The following NUP85 variants were observed in gnomAD, a reference collection of about 807,000 sequenced individuals.
NUP85 encodes nucleoporin 85.
Under a neutral mutation model 92.8 loss-of-function variants are expected in NUP85, and 23 were observed. That is an observed-to-expected ratio of 0.25 (90% CI 0.18 to 0.35). The LOEUF (loss-of-function observed/expected upper bound fraction) is 0.35, where lower values mean the gene tolerates loss of function less well. NUP85 is among the 10% of genes least tolerant of loss of function. The pLI is 1.00. For missense variants in NUP85, 759 were observed against 822.8 expected (o/e 0.92, Z 0.95); for synonymous variants, 314 against 306.9 (o/e 1.02, Z -0.24).
At chr17:75,218,588 G>GTTTGT (rs1555662313) in intron 7 of NUP85, among the ~76,000 whole-genome samples, 1 of 82,840 alleles carries the variant, frequency 1.2e-5, no homozygotes, top group East Asian at 4.0e-4. Context: ...ATACAAAACC[G>GTTTGT]TTTTTTTTTT....
rs555989826 is a variant in NUP85, at chr17:75,231,223, C to T, written c.1095-117C>T. 34 of 953,868 alleles carry T rather than the reference C, an allele frequency of 3.6e-5. No homozygotes were observed. The highest frequency in any genetic ancestry group is 2.1e-4 in the South Asian group (15 of 70,086). 59.1% of individuals were successfully genotyped at this position (953,868 alleles called of 1,614,324 possible). A position where few individuals can be genotyped will look rare whatever the true frequency, so the allele number is the denominator to read the frequency against. ...GGATCACGGGCATGAGCTATCATCACGCCCGGCCCCATCTCTTTGAGGGAC... is the reference window on the plus strand; with the variant it reads ...GGATCACGGGCATGAGCTATCATCATGCCCGGCCCCATCTCTTTGAGGGAC... On this transcript the variant is annotated intron_variant, in intron 11 of 18. Transcript: ENST00000245544. This position sits in a 1 kb window ranked among gnomAD's most constrained non-coding sequence, Gnocchi z 4.6.
chr17:75,230,390 C>T (rs1346794667), intron 11 of NUP85, among the ~76,000 whole-genome samples: 7 of 141,458 alleles, frequency 4.9e-5, no homozygotes, highest in Non-Finnish European at 9.0e-5. Flanking sequence ...GATGGAGTCT[C>T]ACTTTGTCGC....
rs746265050 is a variant in NUP85, at chr17:75,234,658, G to A, written c.1637G>A (p.Arg546His). ...TFLGKYREFH[R>H]MYGEKRFADA... is the part of the protein sequence containing the mutation. The stretch of plus-strand genomic sequence containing the variant: ...ATAGGAAAGTATCGCGAGTTCCACC[G>A]TATGTACGGGGAGAAGCGTTTTGCC... Residue 546 changes from arginine to histidine, a missense_variant, in exon 17 of 19, where the codon CGT (arginine) becomes CAT (histidine). Arg to His is a conservative substitution (Grantham distance 29). Transcript: ENST00000245544. The A allele has an allele frequency of 1.4e-5, 23 of 1,614,170 alleles. 1 individual carries two copies. Among genetic ancestry groups the A allele is most frequent in the African/African-American group, 1.1e-4 (8 of 75,052 alleles).
chr17:75,214,158 T>C (rs889314576), intron 5 of NUP85, among the ~76,000 whole-genome samples: 1 of 152,204 alleles, frequency 6.6e-6, no homozygotes, highest in Non-Finnish European at 1.5e-5. Flanking sequence ...TCAACATTTT[T>C]ACTGAGTTGC....
At chr17:75,209,664 G>A (rs899157063) in intron 2 of NUP85, among the ~76,000 whole-genome samples, 159 bp from the exon 3 acceptor site, 7 of 152,210 alleles carry the variant, frequency 4.6e-5, no homozygotes, top group Non-Finnish European at 8.8e-5. Flanking sequence ...GCCTGGTCTC[G>A]AATTCCTGAC....
At chr17:75,226,906 G>T (rs1017072652) in intron 11 of NUP85, 2 of 307,072 alleles carry the variant, frequency 6.5e-6, no homozygotes, top group African/African-American at 2.1e-5. Context: ...TGGGCTTCAG[G>T]CTGGGTATTA....
intron 7 of NUP85, among the ~76,000 whole-genome samples, chr17:75,223,940 G>A (rs932599526): frequency 6.6e-6 from 1 of 152,176 alleles, no homozygotes; most frequent in African/African-American, 2.4e-5. Context: ...ATAGTCTTAC[G>A]TGTAGACTCA....
In NUP85 at chr17:75,235,603, T is replaced by C; in HGVS notation, c.1895T>C (p.Val632Ala). The C allele has an allele frequency of 6.2e-7, 1 of 1,614,028 alleles. No homozygotes were observed. The highest frequency in any genetic ancestry group is 8.5e-7 in the Non-Finnish European group (1 of 1,179,904). The change falls in exon 19 of 19, where the codon GTG (valine) becomes GCG (alanine). Residue 632 changes from valine (V) to alanine (A), a missense_variant. Transcript: ENST00000245544. ...LQDDDIETTK[V>A]EMLRLSLARN... ...GATGATGACATAGAGACCACCAAGG[T>C]GGAAATGCTGAGACTTTCTCTGGCA... is the stretch of plus-strand genomic sequence containing the variant.
At chr17:75,229,704 GTGT>G (rs1177323527) in intron 11 of NUP85, among the ~76,000 whole-genome samples, 3 of 152,194 alleles carry the variant, frequency 2.0e-5, no homozygotes, top group Admixed American at 6.5e-5. Flanking sequence ...CACTTGAGTT[GTGT>G]TGTTAGTTCT....
chr17:75,218,266 G>T lies in NUP85; in HGVS notation c.557G>T (p.Gly186Val). 3.1e-6 allele frequency: 5 copies of T among 1,613,880 alleles called. No homozygotes were observed. Among genetic ancestry groups the T allele is most frequent in the Non-Finnish European group, 4.2e-6 (5 of 1,179,912 alleles). The change falls in exon 7 of 19, where the codon GGC (glycine) becomes GTC (valine). Residue 186 changes from glycine (G) to valine (V), a missense_variant. Physicochemically the swap from Gly to Val is moderately radical, Grantham distance 109. Coordinates refer to ENST00000245544, the MANE Select transcript of NUP85 (RefSeq NM_024844.5). The stretch of plus-strand genomic sequence containing the variant: ...GACAGTTTGTCGGCAGATGTTCTGG[G>T]CAGTGAGAATCCAAGCAAACATGAC... ...EVDSLSADVLGSENPSKHDSF... is the reference protein window; with the variant it reads ...EVDSLSADVLVSENPSKHDSF...
intron 14 of NUP85, among the ~76,000 whole-genome samples, chr17:75,232,609 C>A (rs936541): frequency 0.86 from 130,911 of 152,078 alleles, 59,275 homozygotes; most frequent in Non-Finnish European, 1. Flanking sequence ...ACGTTTTGCT[C>A]CCCTTGAAGC....
intron 16 of NUP85, among the ~76,000 whole-genome samples, chr17:75,233,461 A>G (rs1254457416): frequency 8.2e-6 from 1 of 121,410 alleles, no homozygotes; most frequent in African/African-American, 3.2e-5. Context: ...TTGAGACAGA[A>G]TCTTACTCGC....
chr17:75,216,851 G>A (rs996903154), intron 6 of NUP85, among the ~76,000 whole-genome samples: 5 of 152,034 alleles, frequency 3.3e-5, no homozygotes, highest in South Asian at 2.1e-4. Flanking sequence ...TCATGGATAC[G>A]GAGTGCTGGC....
In NUP85 at chr17:75,235,026, G is replaced by A. The variant is rs2076277031; in HGVS notation, c.1768-74G>A. Reference sequence around the variant, plus strand: ...GAAGGGTATGAAAGGAAGAACGTCCGAACATGGGCCCCTGCCCCAACCAAT... The same window carrying A: ...GAAGGGTATGAAAGGAAGAACGTCCAAACATGGGCCCCTGCCCCAACCAAT... On this transcript the variant is annotated intron_variant, in intron 17 of 18. Transcript: ENST00000245544. 4 of 1,264,702 alleles carry A rather than the reference G, an allele frequency of 3.2e-6. No homozygotes were observed. The Admixed American group carries it at 5.2e-5, about 16-fold the overall frequency. 78.3% of individuals were successfully genotyped at this position (1,264,702 alleles called of 1,614,324 possible). A position where few individuals can be genotyped will look rare whatever the true frequency, so the allele number is the denominator to read the frequency against.
intron 7 of NUP85, among the ~76,000 whole-genome samples, chr17:75,222,601 G>C (rs2075629579): frequency 6.9e-6 from 1 of 145,008 alleles, no homozygotes; most frequent in African/African-American, 2.6e-5. Flanking sequence ...TTGAACCATT[G>C]CTCCTAGGGG....
At chr17:75,217,651 C>T (rs2145308116) in intron 6 of NUP85, among the ~76,000 whole-genome samples, 1 of 152,222 alleles carries the variant, frequency 6.6e-6, no homozygotes, top group East Asian at 1.9e-4. Context: ...GAATTACAGG[C>T]ATGCGCCACC....
chr17:75,226,052 C>T lies in NUP85; in HGVS notation c.989C>T (p.Ser330Phe), dbSNP rs768196199. 6.2e-7 allele frequency: 1 copy of T among 1,614,008 alleles called. No individual in the cohort carries two copies. ...GAGTGTCTCATCACCTTTCCACAGTCCAGCCTGGACCTGTTTCTGGGAGGT... is the reference window on the plus strand; with the variant it reads ...GAGTGTCTCATCACCTTTCCACAGTTCAGCCTGGACCTGTTTCTGGGAGGT... ...KPIDLHYYAQ[S>F]SLDLFLGGES... is the part of the protein sequence containing the mutation. The change falls in exon 11 of 19, where the codon TCC becomes TTC. Residue 330 changes from serine to phenylalanine, a missense_variant and splice_region_variant. Transcript: ENST00000245544.
intron 3 of NUP85, among the ~76,000 whole-genome samples, chr17:75,210,226 G>C (rs8081570): frequency 0.91 from 139,049 of 152,174 alleles, 64,524 homozygotes; most frequent in Non-Finnish European, 1. Context: ...ATTTTACTTA[G>C]CCTCTAAAGA....
intron 16 of NUP85, among the ~76,000 whole-genome samples, chr17:75,234,293 C>T (rs963404679): frequency 2.6e-5 from 4 of 152,200 alleles, no homozygotes; most frequent in Non-Finnish European, 4.4e-5. Context: ...CTCAGGTGAT[C>T]CACCTGACTC....
Sources: allele counts gnomAD v4.1 joint callset (sites outside exome capture counted in the v4.1 genomes callset), GRCh38; gene constraint gnomAD v4.1.1; non-coding constraint Gnocchi (gnomAD v3.1); transcripts MANE v1.5; gene names NCBI Gene and HGNC (gene_info 2026-07-23, HGNC 2026-07-21).